Variants in WDFY3 observed in about 807,000 individuals in gnomAD.
WDFY3 encodes WD repeat and FYVE domain containing 3.
In WDFY3, 66 loss-of-function variants were observed where a neutral mutation model predicts 409.6. The ratio of observed to expected loss-of-function variants is 0.16; its 90% CI spans 0.13 to 0.20. The LOEUF is 0.20. Ranked by LOEUF, WDFY3 falls within the 10% of genes least tolerant of loss-of-function variation. The pLI is 1.00. For synonymous variants in WDFY3, 1,521 were observed against 1,537.1 expected (o/e 0.99, Z 0.25); for missense variants, 3,031 against 4,298.1 (o/e 0.71, Z 8.24).
intron 24 of WDFY3, 120 bp downstream of exon 24, chr4:84,785,856 AAAC>A (rs1747457171): frequency 4.0e-6 from 5 of 1,246,138 alleles, no homozygotes; most frequent in Non-Finnish European, 5.5e-6. Context: ...AACCAAACAT[AAAC>A]AATACATGAA....
intron 1 of WDFY3, among the ~76,000 whole-genome samples, chr4:84,961,790 C>T (rs1304118727): frequency 6.6e-6 from 1 of 152,042 alleles, no homozygotes; most frequent in South Asian, 2.1e-4. Flanking sequence ...ACTGACAATA[C>T]CAAGTGCTGA....
chr4:84,961,042 C>G (rs1420308971), intron 1 of WDFY3, among the ~76,000 whole-genome samples: 1 of 151,934 alleles, frequency 6.6e-6, no homozygotes, highest in Admixed American at 6.6e-5. Flanking sequence ...TGGTGAAACC[C>G]TGTCTCTACT....
At chr4:84,831,185 C>CA (rs56810528) in intron 8 of WDFY3, among the ~76,000 whole-genome samples, 44,488 of 103,078 alleles carry the variant, frequency 0.43, 9,068 homozygotes, top group South Asian at 0.6. Flanking sequence ...AGACTCCATC[C>CA]AAAAAAAAAA....
chr4:84,913,382 C>T (rs1016085032), intron 2 of WDFY3, among the ~76,000 whole-genome samples: 6 of 152,024 alleles, frequency 3.9e-5, no homozygotes, highest in African/African-American at 1.2e-4. Flanking sequence ...ATGTTGTGCA[C>T]GATTTCGTAA....
At chr4:84,787,307 G>C (rs539916336) in intron 23 of WDFY3, among the ~76,000 whole-genome samples, 175 bp downstream of exon 23, 1 of 152,264 alleles carries the variant, frequency 6.6e-6, no homozygotes, top group South Asian at 2.1e-4. Flanking sequence ...AGAAAGTGCA[G>C]TATAATCAGT....
At chr4:84,857,865 C>T (rs1759992337) in intron 4 of WDFY3, among the ~76,000 whole-genome samples, 1 of 152,158 alleles carries the variant, frequency 6.6e-6, no homozygotes, top group African/African-American at 2.4e-5. Flanking sequence ...GATATGTGAA[C>T]TAACCTTCCT....
Position 84,712,715 on chromosome 4 carries a change from T to A in WDFY3, c.8042+444A>T, listed in dbSNP as rs183087587. On this transcript the variant is annotated intron_variant, in intron 51 of 67. Coordinates refer to ENST00000295888, the MANE Select transcript of WDFY3 (RefSeq NM_014991.6). ...GGGTGACAGAGCGAGACTCCATCTCTTAACAATAATTAAAAAAAAGCAAAA... is the reference window on the plus strand; with the variant it reads ...GGGTGACAGAGCGAGACTCCATCTCATAACAATAATTAAAAAAAAGCAAAA... Among the ~76,000 whole-genome samples, 458 of 152,072 alleles carry A rather than the reference T, an allele frequency of 3.0e-3. 2 individuals carry two copies. The highest frequency in any genetic ancestry group is 0.011 in the African/African-American group (439 of 41,464).
At chr4:84,860,351 C>T in intron 4 of WDFY3, 61 bp downstream of exon 4, 1 of 1,525,956 alleles carries the variant, frequency 6.6e-7, no homozygotes, top group Non-Finnish European at 8.9e-7. Flanking sequence ...TACCAGTAAC[C>T]TTCAGATTCT....
At chr4:84,746,145 C>CAAAAAAAAAAAA (rs761664622) in intron 36 of WDFY3, among the ~76,000 whole-genome samples, 1 of 60,632 alleles carries the variant, frequency 1.6e-5, no homozygotes. Flanking sequence ...CTGTCTCTAC[C>CAAAAAAAAAAAA]AAAAAAAAAA....
intron 1 of WDFY3, among the ~76,000 whole-genome samples, chr4:84,946,788 G>A (rs550231928): frequency 6.6e-6 from 1 of 151,990 alleles, no homozygotes; most frequent in Admixed American, 6.6e-5. Flanking sequence ...ATCTGAACGA[G>A]GTTAATTTAA....
chr4:84,849,737 C>G, intron 5 of WDFY3, 165 bp downstream of exon 5: 1 of 956,920 alleles, frequency 1.0e-6, no homozygotes, highest in Non-Finnish European at 1.5e-6. Flanking sequence ...GTTGAAGATG[C>G]TGAAACCAGG....
Position 84,810,310 on chromosome 4 carries a change from G to T in WDFY3, c.1922C>A (p.Ser641Ter). Residue 641 changes from serine to a stop codon, truncating the protein, a stop_gained, in exon 14 of 68, where the codon TCA (serine) becomes TAA (stop). Transcript: ENST00000295888. LOFTEE classifies it high-confidence loss of function. ...TCCAACTTTCCTAAAAACTGTTCTT[G>T]AACGATGGCTTTCTCGAAGGACCGA... is the stretch of plus-strand genomic sequence containing the variant. ...LLSVLRESHR[S>*]RTVFRKVGGF... 1 of 1,604,810 alleles carries T rather than the reference G, an allele frequency of 6.2e-7. No homozygotes were observed. The highest frequency in any genetic ancestry group is 8.5e-7 in the Non-Finnish European group (1 of 1,175,392).
Position 84,713,427 on chromosome 4 carries a change from G to C in WDFY3, c.7962-188C>G, listed in dbSNP as rs17009215. Among the ~76,000 whole-genome samples, 5,906 of 152,138 alleles carry C rather than the reference G, an allele frequency of 0.039. 352 individuals are homozygous for C. The highest frequency in any genetic ancestry group is 0.13 in the African/African-American group (5,593 of 41,472). ...AAAGAGGAAATAATTTCTTAGCACT[G>C]AAAACAATAGCACCTTTAGAAATTA... is the stretch of plus-strand genomic sequence containing the variant. On this transcript the variant is annotated intron_variant, in intron 50 of 67. Coordinates refer to ENST00000295888, the MANE Select transcript of WDFY3 (RefSeq NM_014991.6).
chr4:84,955,479 T>G (rs1161658271), intron 1 of WDFY3, among the ~76,000 whole-genome samples: 1 of 152,170 alleles, frequency 6.6e-6, no homozygotes, highest in Admixed American at 6.5e-5. Flanking sequence ...TACACAAACA[T>G]CTTCATCCTC....
At chr4:84,921,395 G>A (rs189774234) in intron 2 of WDFY3, among the ~76,000 whole-genome samples, 1 of 151,850 alleles carries the variant, frequency 6.6e-6, no homozygotes, top group African/African-American at 2.4e-5. Context: ...AAAAAGGTAA[G>A]GGAAAAGAAG....
chr4:84,715,863 G>A (rs1335096976), intron 49 of WDFY3, among the ~76,000 whole-genome samples: 1 of 148,742 alleles, frequency 6.7e-6, no homozygotes, highest in African/African-American at 2.5e-5. Flanking sequence ...ACAATAAATA[G>A]ATATTTCTTA....
At chr4:84,782,115 T>C (rs190337189) in intron 25 of WDFY3, among the ~76,000 whole-genome samples, 32 of 152,314 alleles carry the variant, frequency 2.1e-4, no homozygotes, top group Non-Finnish European at 2.9e-4. Context: ...TAAGCAGACA[T>C]GTACAAGGCT....
At chr4:84,833,661 A>AAAAAGAAAAGAAAAG (rs1170304084) in intron 7 of WDFY3, among the ~76,000 whole-genome samples, 1,839 of 149,928 alleles carry the variant, frequency 0.012, 34 homozygotes, top group East Asian at 0.045. Context: ...CTCAAAAGAG[A>AAAAAGAAAAGAAAAG]AAAAGAAAAG....
intron 36 of WDFY3, among the ~76,000 whole-genome samples, chr4:84,747,325 G>A (rs1186359370): frequency 6.6e-6 from 1 of 152,180 alleles, no homozygotes; most frequent in Non-Finnish European, 1.5e-5. Context: ...TGGGCTGGAA[G>A]CCTTTAAAGA....
Sources: allele counts gnomAD v4.1 joint callset (sites outside exome capture counted in the v4.1 genomes callset), GRCh38; gene constraint gnomAD v4.1.1; transcripts MANE v1.5; gene names NCBI Gene and HGNC (gene_info 2026-07-23, HGNC 2026-07-21).